The following BABAM2 variants were observed in gnomAD, a reference collection of about 807,000 sequenced individuals.
BABAM2 encodes the protein BRISC and BRCA1-A complex member 2.
A neutral mutation model predicts 54.7 loss-of-function variants in BABAM2; 31 were observed. That is an observed-to-expected ratio of 0.57 (90% CI 0.43 to 0.77). The LOEUF (loss-of-function observed/expected upper bound fraction) is 0.77, where lower values mean the gene tolerates loss of function less well. Ranked by LOEUF, BABAM2 falls within the 30% of genes least tolerant of loss-of-function variation. The pLI is 0.00. For synonymous variants in BABAM2, 167 were observed against 162.9 expected, an observed-to-expected ratio of 1.03 and a Z score of -0.19; for missense variants, 364 against 455.8, an observed-to-expected ratio of 0.80 and a Z score of 1.83.
chr2:27,891,344 T>A (rs1664825765), intron 1 of BABAM2, among the ~76,000 whole-genome samples: 1 of 152,212 alleles, frequency 6.6e-6, no homozygotes, highest in African/African-American at 2.4e-5. Context: ...TGTCATCTCA[T>A]TTTAATTGCA....
chr2:27,895,417 C>T (rs796748121), intron 2 of BABAM2, among the ~76,000 whole-genome samples: 25 of 152,266 alleles, frequency 1.6e-4, no homozygotes, highest in African/African-American at 5.8e-4. Context: ...GTAAAATGTG[C>T]ATCCACATGG....
intron 3 of BABAM2, among the ~76,000 whole-genome samples, chr2:27,986,929 G>T (rs1370816181): frequency 6.6e-6 from 1 of 151,886 alleles, no homozygotes; most frequent in Non-Finnish European, 1.5e-5. Flanking sequence ...ATGAGCAGAG[G>T]AAAAAAGGGA....
In BABAM2 at chr2:28,036,123, C is replaced by T. The variant is rs201417790; in HGVS notation, c.496-9602C>T. Among the ~76,000 whole-genome samples the T allele has an allele frequency of 3.9e-5, 6 of 152,010 alleles. No homozygotes were observed. The East Asian group carries it at 1.2e-3, about 29-fold the overall frequency. On this transcript the variant is annotated intron_variant, in intron 5 of 11. Transcript: ENST00000379624. ...GTGCATTGCCCCATCTCTTTGGTGG[C>T]CATTTAGATGTAGGGTGCACTCCTT...
intron 5 of BABAM2, among the ~76,000 whole-genome samples, chr2:28,030,988 A>G (rs913821806): frequency 1.3e-5 from 2 of 152,222 alleles, no homozygotes; most frequent in African/African-American, 4.8e-5. Context: ...AAATAACAAC[A>G]TCCTGGAGAT....
intron 3 of BABAM2, among the ~76,000 whole-genome samples, chr2:27,970,340 C>T (rs191353026): frequency 1.3e-5 from 2 of 152,234 alleles, no homozygotes; most frequent in East Asian, 1.9e-4. Context: ...TAAAGGATAA[C>T]ATCTGCCTTT....
chr2:28,026,979 A>AT (rs1558668295), intron 5 of BABAM2, among the ~76,000 whole-genome samples: 13 of 96,582 alleles, frequency 1.3e-4, no homozygotes, highest in African/African-American at 3.1e-4. Flanking sequence ...TAAATATATA[A>AT]ATATATATAA....
chr2:27,899,982 A>C (rs1665653606), intron 2 of BABAM2, among the ~76,000 whole-genome samples: 1 of 152,232 alleles, frequency 6.6e-6, no homozygotes, highest in Admixed American at 6.5e-5. Context: ...GAAGTTCTTT[A>C]GAAGTTCATT....
intron 6 of BABAM2, among the ~76,000 whole-genome samples, chr2:28,094,150 T>A (rs1197170322): frequency 6.6e-6 from 1 of 152,312 alleles, no homozygotes; most frequent in Admixed American, 6.5e-5. Context: ...TATTAAAAAT[T>A]AATAAAAAAT....
chr2:28,271,403 T>A (rs1398918954), intron 10 of BABAM2, among the ~76,000 whole-genome samples: 1 of 151,446 alleles, frequency 6.6e-6, no homozygotes, highest in Non-Finnish European at 1.5e-5. Context: ...CCAACATGAT[T>A]TCCTCTCCTC....
At chr2:28,169,563 C>T (rs1343007753) in intron 7 of BABAM2, among the ~76,000 whole-genome samples, 1 of 151,936 alleles carries the variant, frequency 6.6e-6, no homozygotes, top group Non-Finnish European at 1.5e-5. Context: ...GATCACTTGA[C>T]CCCAGGAGTT....
chr2:28,073,674 CT>C (rs1664377736), intron 6 of BABAM2, among the ~76,000 whole-genome samples: 1 of 152,082 alleles, frequency 6.6e-6, no homozygotes, highest in Non-Finnish European at 1.5e-5. Context: ...TGGTAATTTT[CT>C]TAATTGGCTT....
intron 6 of BABAM2, among the ~76,000 whole-genome samples, chr2:28,050,965 A>G (rs1383180594): frequency 6.6e-6 from 1 of 152,190 alleles, no homozygotes; most frequent in Admixed American, 6.5e-5. Context: ...AAAACCAGGA[A>G]AAAAAGTTGG....
chr2:28,042,020 T>A (rs1413318982), intron 5 of BABAM2, among the ~76,000 whole-genome samples: 1 of 152,048 alleles, frequency 6.6e-6, no homozygotes, highest in Non-Finnish European at 1.5e-5. Flanking sequence ...AAGTCAATAT[T>A]TTGAAGGGAG....
chr2:27,915,249 G>A (rs1666879855), intron 2 of BABAM2, among the ~76,000 whole-genome samples: 1 of 152,084 alleles, frequency 6.6e-6, no homozygotes. Flanking sequence ...AAGGGTTTAA[G>A]GAAAATAGTG....
rs760525051 is a variant in BABAM2 at position 27,963,469 on chromosome 2, C to CAAAAAAAAAAA, written c.206-24510_206-24500dup. On this transcript the variant is annotated intron_variant, in intron 3 of 11. Transcript: ENST00000379624. ...TGGGTGACAGAGAAAGACTCTTTCT[C>CAAAAAAAAAAA]AAAAAAAAAAAAAAAAAAAAAAAAG... Among the ~76,000 whole-genome samples the CAAAAAAAAAAA allele has an allele frequency of 7.5e-3, 398 of 53,146 alleles. 1 individual carries two copies. Among genetic ancestry groups the CAAAAAAAAAAA allele is most frequent in the Non-Finnish European group, 0.011 (268 of 25,498 alleles). The allele number at this position is 53,146 out of a possible 152,430, so 34.9% of individuals were successfully genotyped here.
At chr2:28,177,706 CAAA>C (rs59807955) in intron 7 of BABAM2, among the ~76,000 whole-genome samples, 1 of 133,104 alleles carries the variant, frequency 7.5e-6, no homozygotes, top group Non-Finnish European at 1.6e-5. Flanking sequence ...GCTGAATGGA[CAAA>C]AAAAAAAAAA....
intron 2 of BABAM2, among the ~76,000 whole-genome samples, chr2:27,898,221 G>A (rs1461823701): frequency 6.6e-6 from 1 of 151,940 alleles, no homozygotes; most frequent in Non-Finnish European, 1.5e-5. Flanking sequence ...TAAAACTGTT[G>A]GTCTTTTCAT....
intron 6 of BABAM2, among the ~76,000 whole-genome samples, chr2:28,069,927 C>T (rs1663968906): frequency 6.6e-6 from 1 of 152,106 alleles, no homozygotes; most frequent in South Asian, 2.1e-4. Flanking sequence ...CAGGCTGGAT[C>T]ACAGAGGTTT....
In BABAM2 at chr2:28,322,990, C is replaced by T. The variant is rs1040013521; in HGVS notation, c.1089-15460C>T. 5.9e-5 allele frequency among the ~76,000 whole-genome samples: 9 copies of T among 152,234 alleles called. No individual in the cohort carries two copies. Among genetic ancestry groups the T allele is most frequent in the Admixed American group, 5.9e-4 (9 of 15,288 alleles). ...GCCCAAGGCAGGAATTTTGCTCCTG[C>T]TCTTCCAAAGCAATAGCAGTAAGAA... On this transcript the variant is annotated intron_variant, in intron 11 of 11. Transcript: ENST00000379624. The surrounding 1 kb of genome is among the most constrained non-coding windows in gnomAD (Gnocchi z 4.1).
Sources: gnomAD v4.1 joint callset for allele counts (sites outside exome capture counted in the v4.1 genomes callset) on GRCh38, gnomAD v4.1.1 for gene constraint, Gnocchi (gnomAD v3.1) non-coding constraint, MANE v1.5 for transcripts, NCBI Gene and HGNC (gene_info 2026-07-23, HGNC 2026-07-21) for gene names.